PPFIBP2: variants seen among roughly 807,000 people sequenced by gnomAD.
PPFIBP2 encodes the protein PPFIB scaffold protein 2.
In PPFIBP2, 118 loss-of-function variants were observed where a neutral mutation model predicts 118.3. That is an observed-to-expected ratio of 1.00 (90% CI 0.86 to 1.16). The LOEUF is 1.16. Ranked by LOEUF, PPFIBP2 falls within the 50% of genes most tolerant of loss-of-function variation. PPFIBP2 has a pLI of 0.00. For missense variants in PPFIBP2, 1,195 were observed against 1,073.1 expected (o/e 1.11, Z -1.59); for synonymous variants, 414 against 397.4 (o/e 1.04, Z -0.50).
chr11:7,588,857 T>C (rs930383263), intron 3 of PPFIBP2, among the ~76,000 whole-genome samples: 1 of 152,192 alleles, frequency 6.6e-6, no homozygotes, highest in African/African-American at 2.4e-5. Flanking sequence ...TTCCGTGATA[T>C]AGGAGAGGTA....
chr11:7,605,646 C>T (rs1847248277), intron 5 of PPFIBP2: 27 of 1,135,162 alleles, frequency 2.4e-5, no homozygotes, highest in Non-Finnish European at 3.0e-5. Flanking sequence ...AATGACTCAC[C>T]TCAAGGTACA....
intron 6 of PPFIBP2, among the ~76,000 whole-genome samples, chr11:7,615,992 TGAAAG>T (rs141861999): frequency 0.015 from 2,343 of 152,290 alleles, 60 homozygotes; most frequent in African/African-American, 0.054. Context: ...AGAGGTCTCT[TGAAAG>T]GAAGTAGTTT....
chr11:7,650,804 A>G, intron 21 of PPFIBP2, 36 bp from the exon 22 acceptor site: 1 of 1,608,790 alleles, frequency 6.2e-7, no homozygotes, highest in East Asian at 2.2e-5. Flanking sequence ...GGACCTATTA[A>G]GCCTAACTTC....
rs552556618 is a variant in PPFIBP2, at chr11:7,597,611, C to T, written c.424C>T (p.Leu142=). The T allele has an allele frequency of 2.3e-5, 37 of 1,613,984 alleles. No individual in the cohort carries two copies. The highest frequency in any genetic ancestry group is 3.1e-5 in the Non-Finnish European group (36 of 1,180,028). ...VEAQGEKIRD[L]EVCLEGHQVK... ...AGCCCAGGGAGAAAAGATTCGAGAC[C>T]TGGAAGTGTGTCTGGAAGGACACCA... The change falls in exon 5 of 24, where the codon CTG becomes TTG. Residue 142 remains leucine (L), a synonymous_variant. Coordinates refer to ENST00000299492, the MANE Select transcript of PPFIBP2 (RefSeq NM_003621.5).
At chr11:7,541,629 G>C (rs1333445474) in intron 1 of PPFIBP2, among the ~76,000 whole-genome samples, 2 of 152,132 alleles carry the variant, frequency 1.3e-5, no homozygotes, top group Non-Finnish European at 2.9e-5. Context: ...CACTTCTTAA[G>C]TCACTTCATG....
chr11:7,535,623 G>C (rs1218735996), intron 1 of PPFIBP2, among the ~76,000 whole-genome samples: 1 of 152,212 alleles, frequency 6.6e-6, no homozygotes, highest in Non-Finnish European at 1.5e-5. Flanking sequence ...GTGTAGAAGT[G>C]AGTGTTTAAT....
intron 1 of PPFIBP2, among the ~76,000 whole-genome samples, chr11:7,537,374 C>T (rs1395506361): frequency 3.9e-5 from 6 of 152,178 alleles, no homozygotes; most frequent in Admixed American, 3.3e-4. Flanking sequence ...TCAAAGGAGA[C>T]AGGAAACCTG....
intron 9 of PPFIBP2, 27 bp from the exon 10 acceptor site, chr11:7,629,432 T>C: frequency 1.2e-6 from 2 of 1,606,228 alleles, no homozygotes; most frequent in Non-Finnish European, 1.7e-6. Context: ...ATAGCATTAA[T>C]CTAAATCTCT....
In PPFIBP2 at chr11:7,597,611, C is replaced by G. The variant is rs552556618; in HGVS notation, c.424C>G (p.Leu142Val). ...AGCCCAGGGAGAAAAGATTCGAGAC[C>G]TGGAAGTGTGTCTGGAAGGACACCA... Reference protein sequence around the residue: ...VEAQGEKIRDLEVCLEGHQVK... With the variant: ...VEAQGEKIRDVEVCLEGHQVK... The change falls in exon 5 of 24, where the codon CTG (leucine) becomes GTG (valine). Residue 142 changes from leucine (L) to valine (V), a missense_variant. Leu to Val is a conservative substitution (Grantham distance 32). Coordinates refer to ENST00000299492, the MANE Select transcript of PPFIBP2 (RefSeq NM_003621.5). 1 of 1,614,102 alleles carries G rather than the reference C, an allele frequency of 6.2e-7. No individual in the cohort carries two copies. Among genetic ancestry groups the G allele is most frequent in the East Asian group, 2.2e-5 (1 of 44,846 alleles).
In PPFIBP2 at chr11:7,639,719, C is replaced by A. The variant is rs775020381; in HGVS notation, c.1237-13C>A. 1.2e-6 allele frequency: 2 copies of A among 1,613,978 alleles called. No homozygotes were observed. Among genetic ancestry groups the A allele is most frequent in the Non-Finnish European group, 1.7e-6 (2 of 1,179,920 alleles). ...TAAGTCGGTATCTCTCTCTTTCTCT[C>A]ACCTTCCAATAGGACAGCCCTTTCT... On this transcript the variant is annotated splice_polypyrimidine_tract_variant and intron_variant, in intron 14 of 23. Transcript: ENST00000299492.
rs559325609 is a variant in PPFIBP2 at position 7,564,587 on chromosome 11, G to A, written c.65-966G>A. 5.3e-5 allele frequency among the ~76,000 whole-genome samples: 8 copies of A among 152,278 alleles called. No homozygotes were observed. In the East Asian group the frequency reaches 5.8e-4, roughly 11 times the overall value. On this transcript the variant is annotated intron_variant, in intron 2 of 23. Coordinates refer to ENST00000299492, the MANE Select transcript of PPFIBP2 (RefSeq NM_003621.5). The stretch of plus-strand genomic sequence containing the variant: ...GGGATAAGCCAACCCAAACATAGTG[G>A]CTTAAAACTACCATCGTTTCTTTGT...
intron 14 of PPFIBP2, among the ~76,000 whole-genome samples, 159 bp from the exon 15 acceptor site, chr11:7,639,573 C>T (rs1475943761): frequency 6.6e-6 from 1 of 152,130 alleles, no homozygotes; most frequent in African/African-American, 2.4e-5. Context: ...AACTCTGGTC[C>T]CCTTTCTCGG....
At chr11:7,540,553 G>T (rs1365386071) in intron 1 of PPFIBP2, among the ~76,000 whole-genome samples, 1 of 152,174 alleles carries the variant, frequency 6.6e-6, no homozygotes, top group Non-Finnish European at 1.5e-5. Flanking sequence ...AGAGTTTGGG[G>T]CTGTTGTAGG....
intron 4 of PPFIBP2, chr11:7,597,068 C>T: frequency 2.9e-6 from 3 of 1,045,008 alleles, no homozygotes; most frequent in Non-Finnish European, 3.9e-6. Context: ...CTTTACAGCC[C>T]ACATTCCTTA....
intron 2 of PPFIBP2, among the ~76,000 whole-genome samples, chr11:7,557,599 C>T (rs1044209012): frequency 6.7e-6 from 1 of 149,948 alleles, no homozygotes; most frequent in African/African-American, 2.5e-5. Context: ...TCAAGCAATT[C>T]TCAGCCTCCT....
chr11:7,636,887 C>G (rs1176988619), intron 14 of PPFIBP2, among the ~76,000 whole-genome samples: 1 of 152,190 alleles, frequency 6.6e-6, no homozygotes, highest in East Asian at 1.9e-4. Context: ...GGTGCAGAAC[C>G]GCTCCACAGT....
In PPFIBP2 at chr11:7,552,479, A is replaced by G. The variant is rs372588046; in HGVS notation, c.64+2940A>G. Among the ~76,000 whole-genome samples the G allele has an allele frequency of 1.1e-4, 17 of 152,274 alleles. No individual in the cohort carries two copies. The South Asian group carries it at 3.3e-3, about 30-fold the overall frequency. ...TGTGCATCCATTGCTGGATTTGCCC[A>G]GGGTCTGCAGATTTAATACGTGGTC... On this transcript the variant is annotated intron_variant, in intron 2 of 23. Transcript: ENST00000299492.
At chr11:7,532,885 A>C (rs1332200051) in intron 1 of PPFIBP2, among the ~76,000 whole-genome samples, 2 of 152,242 alleles carry the variant, frequency 1.3e-5, no homozygotes, top group Non-Finnish European at 2.9e-5. Context: ...ATACATTTTG[A>C]TTAATTCAAT....
chr11:7,538,980 G>A (rs1185973594), intron 1 of PPFIBP2, among the ~76,000 whole-genome samples: 2 of 152,166 alleles, frequency 1.3e-5, no homozygotes, highest in Non-Finnish European at 2.9e-5. Context: ...GTAAAGCTTT[G>A]AACAAATGTT....
Sources: gnomAD v4.1 joint callset for allele counts (sites outside exome capture counted in the v4.1 genomes callset) on GRCh38, gnomAD v4.1.1 for gene constraint, MANE v1.5 for transcripts, NCBI Gene and HGNC (gene_info 2026-07-23, HGNC 2026-07-21) for gene names.